Variants in OPN3 observed in about 807,000 individuals in gnomAD.
The protein encoded by OPN3 is opsin 3.
A neutral mutation model predicts 33.8 loss-of-function variants in OPN3; 29 were observed. The ratio of observed to expected loss-of-function variants is 0.86; its 90% CI spans 0.64 to 1.17. The LOEUF (loss-of-function observed/expected upper bound fraction) is 1.17. Ranked by LOEUF, OPN3 falls within the 50% of genes most tolerant of loss-of-function variation. The pLI is 0.00. For missense variants in OPN3, 437 were observed against 514.1 expected, an observed-to-expected ratio of 0.85 and a Z score of 1.45; for synonymous variants, 216 against 216.1, an observed-to-expected ratio of 1.00 and a Z score of 0.00.
rs376137776 is a variant in OPN3 at position 241,610,475 on chromosome 1, G to A, written c.374-5896C>T. Among the ~76,000 whole-genome samples the A allele has an allele frequency of 2.0e-5, 3 of 152,154 alleles. No homozygotes were observed. The South Asian group carries it at 6.2e-4, about 32-fold the overall frequency. ...TTGACAAGAGTGAGGATATTTCAAG[G>A]CCAAGGATACAGTATGTATAAAAGC... is the stretch of plus-strand genomic sequence containing the variant. On this transcript the variant is annotated intron_variant, in intron 1 of 3. Coordinates refer to ENST00000366554, the MANE Select transcript of OPN3 (RefSeq NM_014322.3).
chr1:241,598,150 A>C (rs1211879532), intron 2 of OPN3, among the ~76,000 whole-genome samples, 153 bp from the exon 3 acceptor site: 1 of 151,950 alleles, frequency 6.6e-6, no homozygotes, highest in Non-Finnish European at 1.5e-5. Flanking sequence ...CTGATCCAAG[A>C]CTCATAGCTG....
rs41315442 is a variant in OPN3 at position 241,595,156 on chromosome 1, T to G, written c.946-465A>C. The G allele has an allele frequency of 6.9e-3, 1,061 of 153,350 alleles. 3 individuals carry two copies. The highest frequency in any genetic ancestry group is 0.016 in the African/African-American group (671 of 41,582). The allele number at this position is 153,350 out of a possible 1,614,324, so 9.5% of individuals were successfully genotyped here. A position where few individuals can be genotyped will look rare whatever the true frequency, so the allele number is the denominator to read the frequency against. On this transcript the variant is annotated intron_variant, in intron 3 of 3. Coordinates refer to ENST00000366554, the MANE Select transcript of OPN3 (RefSeq NM_014322.3). The stretch of plus-strand genomic sequence containing the variant: ...TGTCTCTTTAATTAGGTGAAGAATT[T>G]TTTTTTTCTATCGAAATTACTAATC...
At position 241,597,783 on chromosome 1, in the gene OPN3, AC is replaced by A; in HGVS notation, c.907del (p.Val303TyrfsTer5). On this transcript the variant is annotated frameshift_variant, in exon 3 of 4. Transcript: ENST00000366554. LOFTEE classifies it high-confidence loss of function. ...VSYLFAKSNT[V>X]YNPVIYVFMI... ...GAAGACATAAATCACTGGATTGTAT[AC>A]AGTGTTCGATTTAGCAAAGAGGTAC... 1.2e-6 allele frequency: 2 copies of A among 1,613,576 alleles called. No homozygotes were observed. Among genetic ancestry groups the A allele is most frequent in the Non-Finnish European group, 1.7e-6 (2 of 1,179,624 alleles).
At chr1:241,599,413 T>C (rs1029587377) in intron 2 of OPN3, among the ~76,000 whole-genome samples, 14 of 152,138 alleles carry the variant, frequency 9.2e-5, no homozygotes, top group African/African-American at 2.7e-4. Context: ...ATTACAATGT[T>C]CAGAGATAAC....
intron 1 of OPN3, among the ~76,000 whole-genome samples, chr1:241,604,879 G>C (rs971132768): frequency 6.6e-6 from 1 of 151,728 alleles, no homozygotes; most frequent in Admixed American, 6.6e-5. Flanking sequence ...AACATGGCAA[G>C]CCCTGTCTTT....
chr1:241,601,001 G>C (rs534424517), intron 2 of OPN3: 75 of 152,266 alleles, frequency 4.9e-4, no homozygotes, highest in African/African-American at 1.7e-3. Flanking sequence ...CAAGAAAATC[G>C]TGCTGTTAGC....
chr1:241,599,447 T>C (rs1313278859), intron 2 of OPN3, among the ~76,000 whole-genome samples: 1 of 152,152 alleles, frequency 6.6e-6, no homozygotes, highest in African/African-American at 2.4e-5. Context: ...GAACATATTT[T>C]TGGTGTGCAG....
chr1:241,619,757 G>A (rs4660108), intron 1 of OPN3, among the ~76,000 whole-genome samples: 13,835 of 152,218 alleles, frequency 0.091, 787 homozygotes, highest in African/African-American at 0.16. Context: ...GAAAGCAGAA[G>A]CCTGGCTGTA....
At chr1:241,629,535 G>C (rs573529835) in intron 1 of OPN3, 4 of 152,194 alleles carry the variant, frequency 2.6e-5, no homozygotes, top group South Asian at 4.1e-4. Flanking sequence ...CAAAAACTGA[G>C]TGCATCCATG....
rs780348058 is a variant in OPN3, at chr1:241,597,792, G to C, written c.899C>G (p.Ser300Trp). Reference protein sequence around the residue: ...ISIVSYLFAKSNTVYNPVIYV... With the variant: ...ISIVSYLFAKWNTVYNPVIYV... ...AATCACTGGATTGTATACAGTGTTC[G>C]ATTTAGCAAAGAGGTACGAAACAAT... is the stretch of plus-strand genomic sequence containing the variant. The change falls in exon 3 of 4, where the codon TCG (serine) becomes TGG (tryptophan). Residue 300 changes from serine to tryptophan, a missense_variant. Ser to Trp is a radical substitution (Grantham distance 177). Coordinates refer to ENST00000366554, the MANE Select transcript of OPN3 (RefSeq NM_014322.3). 6 of 1,613,668 alleles carry C rather than the reference G, an allele frequency of 3.7e-6. No homozygotes were observed. The highest frequency in any genetic ancestry group is 3.3e-5 in the South Asian group (3 of 91,046).
At chr1:241,617,065 ACT>A (rs1664151836) in intron 1 of OPN3, among the ~76,000 whole-genome samples, 1 of 152,212 alleles carries the variant, frequency 6.6e-6, no homozygotes, top group Non-Finnish European at 1.5e-5. Flanking sequence ...TTTTCAAAGT[ACT>A]TTTTAATGTA....
intron 1 of OPN3, among the ~76,000 whole-genome samples, chr1:241,619,308 G>T (rs908621972): frequency 7.9e-5 from 12 of 152,168 alleles, no homozygotes; most frequent in Admixed American, 4.6e-4. Context: ...GGACACTAAA[G>T]GTAATACTAT....
chr1:241,618,836 CT>C (rs33992613), intron 1 of OPN3, among the ~76,000 whole-genome samples: 5,777 of 146,046 alleles, frequency 0.04, 158 homozygotes, highest in Non-Finnish European at 0.057. Context: ...CTCATTGTAT[CT>C]TTTTTTTTTT....
Position 241,640,160 on chromosome 1 carries a change from G to A in OPN3, c.95C>T (p.Pro32Leu), listed in dbSNP as rs1665067032. ...GGTGCCGGGGCTGAAGAGGGGCGCG[G>A]GGCTCAGTGTCCCCGCCGGCGCCGG... is the stretch of plus-strand genomic sequence containing the variant. ...EGPAPAGTLSPAPLFSPGTYE... is the reference protein window; with the variant it reads ...EGPAPAGTLSLAPLFSPGTYE... Residue 32 changes from proline to leucine, a missense_variant, in exon 1 of 4, where the codon CCC becomes CTC. Pro to Leu is a moderately conservative substitution (Grantham distance 98, BLOSUM62 -3). Coordinates refer to ENST00000366554, the MANE Select transcript of OPN3 (RefSeq NM_014322.3). 1 of 1,503,620 alleles carries A rather than the reference G, an allele frequency of 6.7e-7. No homozygotes were observed. Among genetic ancestry groups the A allele is most frequent in the Non-Finnish European group, 8.9e-7 (1 of 1,129,344 alleles). The allele number at this position is 1,503,620 out of a possible 1,614,324, so 93.1% of individuals were successfully genotyped here.
chr1:241,627,060 T>C (rs1309865599), intron 1 of OPN3, among the ~76,000 whole-genome samples: 2 of 152,162 alleles, frequency 1.3e-5, no homozygotes, highest in Admixed American at 6.5e-5. Context: ...GAATTAAATA[T>C]ATATTTAGCA....
intron 1 of OPN3, chr1:241,635,614 G>A (rs1001239538): frequency 6.2e-7 from 1 of 1,614,096 alleles, no homozygotes; most frequent in Non-Finnish European, 8.5e-7. Context: ...ATCCTGAAAA[G>A]CTGAAACTAG....
chr1:241,602,593 C>T (rs1573951997), intron 2 of OPN3, among the ~76,000 whole-genome samples: 2 of 152,056 alleles, frequency 1.3e-5, no homozygotes, highest in Admixed American at 1.3e-4. Flanking sequence ...TGTGTGCTTC[C>T]ATGTTCTCTT....
At chr1:241,605,293 G>T (rs1209668689) in intron 1 of OPN3, among the ~76,000 whole-genome samples, 5 of 151,920 alleles carry the variant, frequency 3.3e-5, no homozygotes, top group Admixed American at 6.6e-5. Context: ...AGTCAAAGGG[G>T]GTTGCAAAAG....
In OPN3 at chr1:241,597,729, T is replaced by C. The variant is rs1663563765; in HGVS notation, c.945+17A>G. On this transcript the variant is annotated intron_variant, in intron 3 of 3. Transcript: ENST00000366554. ...CTATGCCCAGGGTGAAAACAATCAGTTAATTGCAAAGCTTACCTTTCTGAT... is the reference window on the plus strand; with the variant it reads ...CTATGCCCAGGGTGAAAACAATCAGCTAATTGCAAAGCTTACCTTTCTGAT... 1.2e-6 allele frequency: 2 copies of C among 1,607,612 alleles called. No individual in the cohort carries two copies. The highest frequency in any genetic ancestry group is 1.7e-4 in the Middle Eastern group (1 of 6,024).
Sources: allele counts gnomAD v4.1 joint callset (sites outside exome capture counted in the v4.1 genomes callset), GRCh38; gene constraint gnomAD v4.1.1; transcripts MANE v1.5; gene names NCBI Gene and HGNC (gene_info 2026-07-23, HGNC 2026-07-21).